Variants in RBM47 observed in about 807,000 individuals in gnomAD.
The protein encoded by RBM47 is RNA binding motif protein 47.
In RBM47, 21 loss-of-function variants were observed where a neutral mutation model predicts 47.1. The ratio of observed to expected loss-of-function variants is 0.45; its 90% CI spans 0.32 to 0.64. The LOEUF is 0.64. RBM47 is among the 30% of genes least tolerant of loss of function. The pLI, the probability that RBM47 is intolerant of heterozygous loss-of-function variation, is 0.05. For synonymous variants in RBM47, 375 were observed against 361.7 expected (o/e 1.04, Z -0.42); for missense variants, 708 against 870.9 (o/e 0.81, Z 2.35).
chr4:40,558,649 G>A (rs185623435), intron 1 of RBM47, among the ~76,000 whole-genome samples: 2 of 152,008 alleles, frequency 1.3e-5, no homozygotes, highest in Admixed American at 1.3e-4. Flanking sequence ...CCAACATGGT[G>A]AAACCCCATC....
At chr4:40,479,134 A>G (rs1428073729) in intron 2 of RBM47, among the ~76,000 whole-genome samples, 6 of 152,246 alleles carry the variant, frequency 3.9e-5, no homozygotes, top group African/African-American at 1.4e-4. Flanking sequence ...AGCAGTATCC[A>G]CAAGCCTATA....
At chr4:40,562,347 A>C (rs967467343) in intron 1 of RBM47, among the ~76,000 whole-genome samples, 6 of 152,170 alleles carry the variant, frequency 3.9e-5, no homozygotes, top group Non-Finnish European at 8.8e-5. Context: ...GGACTTCAGA[A>C]GGCTTCCGGT....
At chr4:40,589,994 G>A (rs1288579230) in intron 1 of RBM47, among the ~76,000 whole-genome samples, 2 of 151,984 alleles carry the variant, frequency 1.3e-5, no homozygotes, top group Non-Finnish European at 2.9e-5. Context: ...AAAAAAAACA[G>A]CAGCTCAAAT....
At chr4:40,504,904 T>C (rs1723882395) in intron 2 of RBM47, among the ~76,000 whole-genome samples, 1 of 152,240 alleles carries the variant, frequency 6.6e-6, no homozygotes. Context: ...AAAGAAGTAC[T>C]TGGGGAGGAC....
chr4:40,598,051 C>T (rs1253267844), intron 1 of RBM47, among the ~76,000 whole-genome samples: 1 of 152,182 alleles, frequency 6.6e-6, no homozygotes, highest in Non-Finnish European at 1.5e-5. Flanking sequence ...CTCCAACATT[C>T]ACTTTCTGAA....
intron 1 of RBM47, among the ~76,000 whole-genome samples, chr4:40,625,402 A>C (rs1737650889): frequency 6.6e-6 from 1 of 152,126 alleles, no homozygotes; most frequent in African/African-American, 2.4e-5. Flanking sequence ...TGAAAGGTAG[A>C]TACTTTTTAT....
chr4:40,511,282 A>C (rs1247314233), intron 2 of RBM47, among the ~76,000 whole-genome samples: 2 of 152,222 alleles, frequency 1.3e-5, no homozygotes, highest in Admixed American at 1.3e-4. Flanking sequence ...CCTGCCTCTT[A>C]GGCATTATGG....
intron 2 of RBM47, among the ~76,000 whole-genome samples, chr4:40,479,703 A>T (rs1720112431): frequency 6.6e-6 from 1 of 151,996 alleles, no homozygotes; most frequent in African/African-American, 2.4e-5. Context: ...GAGTCTAGCT[A>T]TGTTGCTCAG....
At chr4:40,431,507 A>C (rs1406275564) in intron 6 of RBM47, among the ~76,000 whole-genome samples, 1 of 151,988 alleles carries the variant, frequency 6.6e-6, no homozygotes, top group Non-Finnish European at 1.5e-5. Flanking sequence ...AAATACAAAA[A>C]ATTAGCCGGG....
Position 40,425,943 on chromosome 4 carries a change from GGCA to G in RBM47, c.1740_1742del (p.Ala581del). The G allele has an allele frequency of 6.2e-7, 1 of 1,614,206 alleles. No homozygotes were observed. Among genetic ancestry groups the G allele is most frequent in the Non-Finnish European group, 8.5e-7 (1 of 1,180,040 alleles). On this transcript the variant is annotated inframe_deletion, in exon 7 of 7. Coordinates refer to ENST00000295971, the MANE Select transcript of RBM47 (RefSeq NM_001098634.2). The stretch of plus-strand genomic sequence containing the variant: ...AGACGTCGGGGATGGGGACCTGAAT[GGCA>G]GCAGCAGGGAAGGCCTGAGGTATGT...
chr4:40,547,813 A>C (rs1354446495), intron 1 of RBM47, among the ~76,000 whole-genome samples: 1 of 152,262 alleles, frequency 6.6e-6, no homozygotes, highest in Non-Finnish European at 1.5e-5. Flanking sequence ...TCAGGTTGCA[A>C]TTCCTGAGCT....
intron 6 of RBM47, among the ~76,000 whole-genome samples, chr4:40,430,868 C>T (rs138521333): frequency 0.024 from 3,699 of 152,240 alleles, 142 homozygotes; most frequent in African/African-American, 0.084. Flanking sequence ...GGGAGGATCG[C>T]TTGAGCCCAG....
intron 2 of RBM47, among the ~76,000 whole-genome samples, chr4:40,528,906 G>A (rs1172526933): frequency 2.6e-5 from 4 of 151,610 alleles, no homozygotes; most frequent in Non-Finnish European, 4.4e-5. Flanking sequence ...TCCCGCCACT[G>A]CACTCCAGCC....
At chr4:40,568,879 G>T (rs1675024603) in intron 1 of RBM47, among the ~76,000 whole-genome samples, 1 of 151,808 alleles carries the variant, frequency 6.6e-6, no homozygotes, top group Non-Finnish European at 1.5e-5. Context: ...TACTCGGGAG[G>T]CTGAGGCAGG....
chr4:40,529,050 T>C (rs1321260197), intron 2 of RBM47, among the ~76,000 whole-genome samples: 1 of 152,154 alleles, frequency 6.6e-6, no homozygotes, highest in East Asian at 1.9e-4. Context: ...AAAGTTTCTG[T>C]ATCTTTGCTG....
chr4:40,432,486 T>A (rs562082683), intron 6 of RBM47, among the ~76,000 whole-genome samples, 165 bp downstream of exon 6: 5 of 152,030 alleles, frequency 3.3e-5, no homozygotes, highest in South Asian at 2.1e-4. Flanking sequence ...TAATTAAAAA[T>A]TTTTTTTTCT....
At chr4:40,611,683 G>C (rs577735040) in intron 1 of RBM47, among the ~76,000 whole-genome samples, 51 of 151,762 alleles carry the variant, frequency 3.4e-4, no homozygotes, top group African/African-American at 1.2e-3. Flanking sequence ...AGCCGAGATC[G>C]CACCATTGCA....
chr4:40,520,048 A>G (rs900211244), intron 2 of RBM47, among the ~76,000 whole-genome samples: 1 of 152,108 alleles, frequency 6.6e-6, no homozygotes, highest in African/African-American at 2.4e-5. Flanking sequence ...TTCATATTGA[A>G]GCCCTCCTTT....
chr4:40,567,540 C>T (rs1731216275), intron 1 of RBM47, among the ~76,000 whole-genome samples: 1 of 151,976 alleles, frequency 6.6e-6, no homozygotes, highest in Non-Finnish European at 1.5e-5. Flanking sequence ...ACGCAGTGCG[C>T]ACAGAGAATA....
Sources: gnomAD v4.1 joint callset for allele counts (sites outside exome capture counted in the v4.1 genomes callset) on GRCh38, gnomAD v4.1.1 for gene constraint, MANE v1.5 for transcripts, NCBI Gene and HGNC (gene_info 2026-07-23, HGNC 2026-07-21) for gene names.